The following KMO variants were observed in gnomAD, a reference collection of about 807,000 sequenced individuals.
KMO encodes kynurenine 3-monooxygenase.
In KMO, 24 loss-of-function variants were observed where a neutral mutation model predicts 57.8. The ratio of observed to expected loss-of-function variants is 0.42; its 90% CI spans 0.30 to 0.58. The LOEUF (loss-of-function observed/expected upper bound fraction) is 0.58, where lower values mean the gene tolerates loss of function less well. Among genes scored for constraint, KMO ranks in the 20% least tolerant of loss-of-function variants. The pLI is 0.22. For synonymous variants in KMO, 210 were observed against 193.6 expected (o/e 1.08, Z -0.70); for missense variants, 483 against 588.2 (o/e 0.82, Z 1.85).
rs111718870 is a variant in KMO at position 241,553,697 on chromosome 1, T to A, written c.313-1915T>A. On this transcript the variant is annotated intron_variant, in intron 4 of 14. Transcript: ENST00000366559. ...GCAAGACCCTGTCTCAAAAATTTTT[T>A]AAAAAATTAAAAATTAAAAAAGCTT... 2.3e-3 allele frequency among the ~76,000 whole-genome samples: 355 copies of A among 152,224 alleles called. 1 individual carries two copies. Among genetic ancestry groups the A allele is most frequent in the African/African-American group, 7.2e-3 (301 of 41,540 alleles).
chr1:241,567,395 G>T (rs1200770438), intron 9 of KMO, among the ~76,000 whole-genome samples: 1 of 152,148 alleles, frequency 6.6e-6, no homozygotes, highest in East Asian at 1.9e-4. Flanking sequence ...AGGGGCATGG[G>T]ATCTCTCTGG....
At chr1:241,553,171 G>A (rs1236207568) in intron 4 of KMO, among the ~76,000 whole-genome samples, 2 of 152,024 alleles carry the variant, frequency 1.3e-5, no homozygotes, top group Non-Finnish European at 2.9e-5. Flanking sequence ...CGCTTGACTT[G>A]TTTATTCTTA....
intron 2 of KMO, among the ~76,000 whole-genome samples, chr1:241,549,204 A>AG (rs1558414723): frequency 0.16 from 875 of 5,336 alleles, 14 homozygotes; most frequent in African/African-American, 0.21. Flanking sequence ...AAGAAAAGGA[A>AG]GAAAGAAAGA....
At position 241,571,864 on chromosome 1, in the gene KMO, C is replaced by CTTTTTTT. The variant is rs34450394; in HGVS notation, c.957+3232_957+3238dup. ...ATTTGAGTAGGATTTATATTAGTTC[C>CTTTTTTT]TTTTTTTTTTTTTTTTTTTTTGAGA... is the stretch of plus-strand genomic sequence containing the variant. On this transcript the variant is annotated intron_variant, in intron 10 of 14. Coordinates refer to ENST00000366559, the MANE Select transcript of KMO (RefSeq NM_003679.5). 1.7e-4 allele frequency among the ~76,000 whole-genome samples: 16 copies of CTTTTTTT among 96,504 alleles called. 1 individual carries two copies. Among genetic ancestry groups the CTTTTTTT allele is most frequent in the Non-Finnish European group, 3.0e-4 (15 of 50,398 alleles). 63.3% of individuals were successfully genotyped at this position (96,504 alleles called of 152,430 possible).
chr1:241,578,901 A>G (rs1014128541), intron 10 of KMO, among the ~76,000 whole-genome samples: 7 of 151,160 alleles, frequency 4.6e-5, no homozygotes, highest in African/African-American at 9.6e-5. Flanking sequence ...GGTAGCAGAC[A>G]AGAGAAGAGT....
chr1:241,550,976 A>G lies in KMO; in HGVS notation c.244A>G (p.Met82Val). ...EDQIVSQGIP[M>V]RARMIHSLSG... ...TCAGATTGTATCCCAAGGTATTCCC[A>G]TGAGAGCAAGAATGATCCACTCTCT... is the stretch of plus-strand genomic sequence containing the variant. The change falls in exon 4 of 15, where the codon ATG becomes GTG. Residue 82 changes from methionine (M) to valine (V), a missense_variant. This residue lies in a region of KMO where 3 missense variants were observed against 17.5 expected (regional missense o/e 0.17). Coordinates refer to ENST00000366559, the MANE Select transcript of KMO (RefSeq NM_003679.5). The G allele has an allele frequency of 1.9e-6, 3 of 1,543,766 alleles. No individual in the cohort carries two copies. Among genetic ancestry groups the G allele is most frequent in the Non-Finnish European group, 2.6e-6 (3 of 1,148,762 alleles).
chr1:241,541,294 G>T (rs370880632), intron 1 of KMO, among the ~76,000 whole-genome samples: 3 of 152,282 alleles, frequency 2.0e-5, no homozygotes, highest in East Asian at 3.9e-4. Context: ...GTAGAGAGGG[G>T]TGTTAAATAT....
intron 6 of KMO, among the ~76,000 whole-genome samples, chr1:241,561,611 G>A (rs570436972): frequency 6.6e-6 from 1 of 152,138 alleles, no homozygotes; most frequent in Non-Finnish European, 1.5e-5. Flanking sequence ...TCTTCAAACT[G>A]CCAAGGAAGT....
chr1:241,569,599 A>T (rs535066625), intron 10 of KMO, among the ~76,000 whole-genome samples: 1 of 152,136 alleles, frequency 6.6e-6, no homozygotes, highest in Non-Finnish European at 1.5e-5. Context: ...TGCTATTGTG[A>T]ATAGTGCTGC....
At position 241,566,623 on chromosome 1, in the gene KMO, A is replaced by C. The variant is rs1409538646; in HGVS notation, c.809+11A>C. On this transcript the variant is annotated intron_variant, in intron 9 of 14. Transcript: ENST00000366559. ...CCCTCTAATTGGAGAGTAAGTTGCA[A>C]GATGTGCCTTTTGCTCCATTTGTTT... The C allele has an allele frequency of 6.2e-7, 1 of 1,613,382 alleles. No individual in the cohort carries two copies. The highest frequency in any genetic ancestry group is 8.5e-7 in the Non-Finnish European group (1 of 1,179,574).
chr1:241,578,883 T>C (rs1443677915), intron 10 of KMO, among the ~76,000 whole-genome samples: 1 of 152,116 alleles, frequency 6.6e-6, no homozygotes, highest in Non-Finnish European at 1.5e-5. Flanking sequence ...GAAAGGCCCT[T>C]CTCACATGGT....
chr1:241,538,965 G>A lies in KMO; in HGVS notation c.54+6467G>A, dbSNP rs562508486. 7.9e-5 allele frequency among the ~76,000 whole-genome samples: 12 copies of A among 152,160 alleles called. 1 individual carries two copies. The South Asian group carries it at 2.1e-3, about 26-fold the overall frequency. ...TCTGTCCATATTCACTCATGCATTC[G>A]TCTAGTCCTCTATCTGTCTACTCAA... On this transcript the variant is annotated intron_variant, in intron 1 of 14. Coordinates refer to ENST00000366559, the MANE Select transcript of KMO (RefSeq NM_003679.5).
intron 4 of KMO, among the ~76,000 whole-genome samples, chr1:241,555,087 A>G (rs961766585): frequency 6.6e-6 from 1 of 152,136 alleles, no homozygotes; most frequent in Admixed American, 6.5e-5. Context: ...CAACCAACAC[A>G]TGTTCCATGC....
At chr1:241,548,574 C>T (rs778844028) in intron 1 of KMO, among the ~76,000 whole-genome samples, 2 of 138,066 alleles carry the variant, frequency 1.4e-5, no homozygotes, top group Non-Finnish European at 3.1e-5. Flanking sequence ...AATTACCTCA[C>T]TATAAAAAAG....
chr1:241,566,828 A>G (rs1307389488), intron 9 of KMO, among the ~76,000 whole-genome samples: 2 of 152,202 alleles, frequency 1.3e-5, no homozygotes, highest in East Asian at 1.9e-4. Flanking sequence ...GGGAAAGATG[A>G]GCCACCAATG....
intron 10 of KMO, among the ~76,000 whole-genome samples, chr1:241,584,533 A>T (rs1662890997): frequency 6.6e-6 from 1 of 152,206 alleles, no homozygotes; most frequent in Non-Finnish European, 1.5e-5. Context: ...TGAGCTGATT[A>T]GATGTTGAAC....
Position 241,595,263 on chromosome 1 carries a change from C to T in KMO, c.*3110C>T, listed in dbSNP as rs1443029768. ...CTTCTCCGTGTCCTGGGTACAACAT[C>T]GAATAATATTTCTTGGCCTCCTTTC... is the stretch of plus-strand genomic sequence containing the variant. On this transcript the variant is annotated 3_prime_UTR_variant, in exon 15 of 15. Coordinates refer to ENST00000366559, the MANE Select transcript of KMO (RefSeq NM_003679.5). The T allele has an allele frequency of 6.6e-6, 1 of 152,286 alleles. No individual in the cohort carries two copies. Among genetic ancestry groups the T allele is most frequent in the African/African-American group, 2.4e-5 (1 of 41,420 alleles). The allele number at this position is 152,286 out of a possible 1,614,324, so 9.4% of individuals were successfully genotyped here.
chr1:241,543,408 T>G (rs960861696), intron 1 of KMO, among the ~76,000 whole-genome samples: 1 of 152,224 alleles, frequency 6.6e-6, no homozygotes, highest in African/African-American at 2.4e-5. Context: ...TCATGCAGTA[T>G]AAAATTATCT....
chr1:241,580,537 T>A (rs535512050), intron 10 of KMO, among the ~76,000 whole-genome samples: 97 of 152,280 alleles, frequency 6.4e-4, no homozygotes, highest in African/African-American at 2.3e-3. Flanking sequence ...TTTTGGTATG[T>A]TCTGTTTCCA....
Sources: gnomAD v4.1 joint callset for allele counts (sites outside exome capture counted in the v4.1 genomes callset) on GRCh38, gnomAD v4.1.1 for gene constraint, gnomAD v4.1.1 regional missense constraint, MANE v1.5 for transcripts, NCBI Gene and HGNC (gene_info 2026-07-23, HGNC 2026-07-21) for gene names.